AGO1: variants seen among roughly 807,000 people sequenced by gnomAD.
AGO1 encodes the protein protein argonaute-1.
AGO1 carries 11 observed loss-of-function variants against 109.2 expected under a neutral mutation model. The observed-to-expected ratio is 0.10, with a 90% confidence interval of 0.06 to 0.17. The LOEUF is 0.17. Ranked by LOEUF, AGO1 falls within the 10% of genes least tolerant of loss-of-function variation. The probability of loss-of-function intolerance (pLI) is 1.00; values close to 1 mark genes in which losing one functional copy is unlikely to be tolerated. For missense variants in AGO1, 574 were observed against 1,140.3 expected (o/e 0.50, Z 7.15); for synonymous variants, 422 against 418.6 (o/e 1.01, Z -0.10).
At chr1:35,898,673 T>A (rs1190519493) in intron 8 of AGO1, among the ~76,000 whole-genome samples, 1 of 152,218 alleles carries the variant, frequency 6.6e-6, no homozygotes, top group Non-Finnish European at 1.5e-5. Flanking sequence ...TTATTCTAAT[T>A]ATAATATGAA....
rs1018824704 is a variant in AGO1 at position 35,893,897 on chromosome 1, C to T, written c.649+87C>T. ...CATCCCTCCCAGCTCTGCAACCACA[C>T]TCCTAGTCTAATTCCTACAGCCCTG... On this transcript the variant is annotated intron_variant, in intron 5 of 18. Coordinates refer to ENST00000373204, the MANE Select transcript of AGO1 (RefSeq NM_012199.5). This position sits in a 1 kb window ranked among gnomAD's most constrained non-coding sequence, Gnocchi z 5.6. 2.4e-5 allele frequency: 37 copies of T among 1,547,006 alleles called. No homozygotes were observed. The highest frequency in any genetic ancestry group is 5.4e-5 in the African/African-American group (4 of 73,590).
chr1:35,919,013 T>C lies in AGO1; in HGVS notation c.2266-42T>C, dbSNP rs776041691. 6.3e-7 allele frequency: 1 copy of C among 1,581,156 alleles called. No homozygotes were observed. Among genetic ancestry groups the C allele is most frequent in the South Asian group, 1.1e-5 (1 of 89,956 alleles). On this transcript the variant is annotated intron_variant, in intron 17 of 18. Coordinates refer to ENST00000373204, the MANE Select transcript of AGO1 (RefSeq NM_012199.5). This position sits in a 1 kb window ranked among gnomAD's most constrained non-coding sequence, Gnocchi z 6.6. ...CCTGTTCCCCTATTATCAGCCATCT[T>C]CTCTGCCCAGCCTGGGACCCCTCAC...
chr1:35,892,814 G>A lies in AGO1; in HGVS notation c.330+137G>A, dbSNP rs1645245600. ...ATGTTTTAGGGTGAGGGGTGGGTAG[G>A]TGCTGATGTTTATTTAGTCTATCAT... is the stretch of plus-strand genomic sequence containing the variant. On this transcript the variant is annotated intron_variant, in intron 3 of 18. Coordinates refer to ENST00000373204, the MANE Select transcript of AGO1 (RefSeq NM_012199.5). 4.7e-6 allele frequency: 6 copies of A among 1,266,530 alleles called. No homozygotes were observed. In the Admixed American group the frequency reaches 8.3e-5, roughly 17 times the overall value. The allele number at this position is 1,266,530 out of a possible 1,614,324, so 78.5% of individuals were successfully genotyped here. A position where few individuals can be genotyped will look rare whatever the true frequency, so the allele number is the denominator to read the frequency against.
In AGO1 at chr1:35,919,299, T is replaced by C. The variant is rs757546642; in HGVS notation, c.2465+45T>C. 6.3e-7 allele frequency: 1 copy of C among 1,581,278 alleles called. No individual in the cohort carries two copies. Among genetic ancestry groups the C allele is most frequent in the Admixed American group, 1.8e-5 (1 of 55,570 alleles). ...TGGCCTCCTTTTTGCTTCAGCCTAT[T>C]GTGCCAGATCTTCTTAACTTTCCTT... On this transcript the variant is annotated intron_variant, in intron 18 of 18. Transcript: ENST00000373204. The surrounding 1 kb of genome is among the most constrained non-coding windows in gnomAD (Gnocchi z 6.6).
At chr1:35,907,936 G>A (rs1185630840) in intron 12 of AGO1, among the ~76,000 whole-genome samples, 1 of 152,092 alleles carries the variant, frequency 6.6e-6, no homozygotes, top group East Asian at 1.9e-4. Flanking sequence ...GCTAGTCTGG[G>A]CAACAAAGCA....
chr1:35,907,667 T>C (rs1645548714), intron 12 of AGO1, among the ~76,000 whole-genome samples: 1 of 152,180 alleles, frequency 6.6e-6, no homozygotes. Context: ...AGAGTTTTTC[T>C]TACCTTGTTC....
intron 1 of AGO1, among the ~76,000 whole-genome samples, chr1:35,873,114 A>G (rs1644966499): frequency 6.6e-6 from 1 of 151,648 alleles, no homozygotes; most frequent in African/African-American, 2.4e-5. Flanking sequence ...AAAGTTAATC[A>G]ATACCTTTAT....
chr1:35,914,157 C>T (rs1645692063), intron 13 of AGO1, 27 bp from the exon 14 acceptor site: 1 of 1,611,592 alleles, frequency 6.2e-7, no homozygotes, highest in South Asian at 1.1e-5. Flanking sequence ...CAGCGCCTCA[C>T]CATTTTGTTT....
intron 1 of AGO1, among the ~76,000 whole-genome samples, chr1:35,872,109 C>T (rs1644956393): frequency 6.6e-6 from 1 of 150,790 alleles, no homozygotes; most frequent in African/African-American, 2.4e-5. Flanking sequence ...TCTGTTATTC[C>T]TTGAACATTT....
At chr1:35,895,386 G>A (rs994950711) in intron 8 of AGO1, 117 bp downstream of exon 8, 2 of 1,192,342 alleles carry the variant, frequency 1.7e-6, no homozygotes, top group African/African-American at 1.6e-5. Context: ...GAAGGTATGA[G>A]GTAGTTCTCC....
intron 17 of AGO1, 95 bp downstream of exon 17, chr1:35,918,518 C>T (rs1645775153): frequency 9.9e-7 from 1 of 1,006,034 alleles, no homozygotes; most frequent in East Asian, 2.4e-5. Flanking sequence ...GAATGACATC[C>T]AAATTAGGAT....
At chr1:35,875,957 A>G (rs928770969) in intron 1 of AGO1, among the ~76,000 whole-genome samples, 9 of 152,356 alleles carry the variant, frequency 5.9e-5, no homozygotes, top group African/African-American at 2.2e-4. Flanking sequence ...AATGATTCCC[A>G]TAATGGATCT....
Position 35,913,981 on chromosome 1 carries a change from C to T in AGO1, c.1722C>T (p.Asn574=). The part of the protein sequence containing the change: ...KINVKLGGIN[N]ILVPHQRSAV... Reference sequence around the variant, plus strand: ...ATGTCAAACTTGGTGGCATTAACAACATCCTAGTCCCACACCAGCGGTATG... The same window carrying T: ...ATGTCAAACTTGGTGGCATTAACAATATCCTAGTCCCACACCAGCGGTATG... The change falls in exon 13 of 19, where the codon AAC becomes AAT. Residue 574 remains asparagine, a synonymous_variant. Coordinates refer to ENST00000373204, the MANE Select transcript of AGO1 (RefSeq NM_012199.5). 2 of 1,614,118 alleles carry T rather than the reference C, an allele frequency of 1.2e-6. No individual in the cohort carries two copies. Among genetic ancestry groups the T allele is most frequent in the East Asian group, 4.5e-5 (2 of 44,880 alleles).
At position 35,923,771 on chromosome 1, in the gene AGO1, A is replaced by T. The variant is rs961745768; in HGVS notation, c.*4164A>T. The T allele has an allele frequency of 3.9e-5, 6 of 152,650 alleles. No homozygotes were observed. The highest frequency in any genetic ancestry group is 7.2e-5 in the African/African-American group (3 of 41,454). The allele number at this position is 152,650 out of a possible 1,614,324, so 9.5% of individuals were successfully genotyped here. ...GCCTCTGGCTGCTGTTTGGGCATCCAAGAAAGGGAGGGGAAGGAATGAGCT... is the reference window on the plus strand; with the variant it reads ...GCCTCTGGCTGCTGTTTGGGCATCCTAGAAAGGGAGGGGAAGGAATGAGCT... On this transcript the variant is annotated 3_prime_UTR_variant, in exon 19 of 19. Transcript: ENST00000373204.
In AGO1 at chr1:35,925,515, CTA is replaced by C. The variant is rs909283444; in HGVS notation, c.*5912_*5913del. On this transcript the variant is annotated 3_prime_UTR_variant, in exon 19 of 19. Transcript: ENST00000373204. ...GCCTATGAACTCCTAGGAGCAGAAG[CTA>C]TATTCTCTTCATTTTTGTCATCTCA... 2 of 150,168 alleles carry C rather than the reference CTA, an allele frequency of 1.3e-5. No individual in the cohort carries two copies. The highest frequency in any genetic ancestry group is 4.9e-5 in the African/African-American group (2 of 40,662). 9.3% of individuals were successfully genotyped at this position (150,168 alleles called of 1,614,324 possible). A position where few individuals can be genotyped will look rare whatever the true frequency, so the allele number is the denominator to read the frequency against.
Position 35,901,374 on chromosome 1 carries a change from C to G in AGO1, c.1021-100C>G. ...CACAACGGATTTTGCAGTTCCCTTC[C>G]CCATGGCTGACAGCCAAGGTATCTT... On this transcript the variant is annotated intron_variant, in intron 8 of 18. Transcript: ENST00000373204. This position sits in a 1 kb window ranked among gnomAD's most constrained non-coding sequence, Gnocchi z 4.8. The G allele has an allele frequency of 6.6e-7, 1 of 1,508,730 alleles. No homozygotes were observed. Among genetic ancestry groups the G allele is most frequent in the East Asian group, 2.3e-5 (1 of 44,012 alleles). The allele number at this position is 1,508,730 out of a possible 1,614,324, so 93.5% of individuals were successfully genotyped here.
At position 35,919,775 on chromosome 1, in the gene AGO1, A is replaced by G; in HGVS notation, c.*168A>G. The stretch of plus-strand genomic sequence containing the variant: ...TGTAAGAGTGGGGAACAGGGCCAGC[A>G]AGACAGACCACCAGCCAGAAATCTC... On this transcript the variant is annotated 3_prime_UTR_variant, in exon 19 of 19. Coordinates refer to ENST00000373204, the MANE Select transcript of AGO1 (RefSeq NM_012199.5). The surrounding 1 kb of genome is among the most constrained non-coding windows in gnomAD (Gnocchi z 6.6). The G allele has an allele frequency of 1.7e-6, 1 of 602,716 alleles. No homozygotes were observed. The allele number at this position is 602,716 out of a possible 1,614,324, so 37.3% of individuals were successfully genotyped here. A position where few individuals can be genotyped will look rare whatever the true frequency, so the allele number is the denominator to read the frequency against.
chr1:35,900,080 G>T (rs1427734733), intron 8 of AGO1, among the ~76,000 whole-genome samples: 1 of 152,122 alleles, frequency 6.6e-6, no homozygotes, highest in African/African-American at 2.4e-5. Flanking sequence ...GTTGTTTTCT[G>T]TTGGGCCCAG....
chr1:35,914,755 TA>T (rs1447837206), intron 14 of AGO1, among the ~76,000 whole-genome samples: 1 of 152,226 alleles, frequency 6.6e-6, no homozygotes, highest in Non-Finnish European at 1.5e-5. Flanking sequence ...CTTTCCCACT[TA>T]TATTTCCTAA....
Sources: allele counts gnomAD v4.1 joint callset (sites outside exome capture counted in the v4.1 genomes callset), GRCh38; gene constraint gnomAD v4.1.1; non-coding constraint Gnocchi (gnomAD v3.1); transcripts MANE v1.5; gene names NCBI Gene and HGNC (gene_info 2026-07-23, HGNC 2026-07-21).